NUDCD3: variants seen among roughly 807,000 people sequenced by gnomAD.
NUDCD3 encodes the protein NudC domain containing 3.
In NUDCD3, 13 loss-of-function variants were observed where a neutral mutation model predicts 39.7. That is an observed-to-expected ratio of 0.33 (90% CI 0.21 to 0.52). The LOEUF (loss-of-function observed/expected upper bound fraction) is 0.52. Ranked by LOEUF, NUDCD3 falls within the 20% of genes least tolerant of loss-of-function variation. The pLI, the probability that NUDCD3 is intolerant of heterozygous loss-of-function variation, is 0.96. For missense variants in NUDCD3, 453 were observed against 458.1 expected (o/e 0.99, Z 0.10); for synonymous variants, 175 against 172.4 (o/e 1.02, Z -0.12).
intron 4 of NUDCD3, among the ~76,000 whole-genome samples, chr7:44,398,797 TCAGA>T (rs1798670094): frequency 1.3e-5 from 2 of 152,150 alleles, no homozygotes; most frequent in South Asian, 2.1e-4. Context: ...GGAAGGCACC[TCAGA>T]GCGAGGGCAG....
chr7:44,394,347 G>A (rs1239894408), intron 4 of NUDCD3, among the ~76,000 whole-genome samples: 3 of 152,168 alleles, frequency 2.0e-5, no homozygotes, highest in African/African-American at 7.2e-5. Flanking sequence ...CTGCTAAGCT[G>A]GTTTGTCGTT....
Position 44,415,885 on chromosome 7 carries a change from C to T in NUDCD3, c.643-11302G>A, listed in dbSNP as rs1287002478. 2.6e-5 allele frequency among the ~76,000 whole-genome samples: 4 copies of T among 152,286 alleles called. No individual in the cohort carries two copies. The East Asian group carries it at 7.7e-4, about 29-fold the overall frequency. On this transcript the variant is annotated intron_variant, in intron 3 of 5. Transcript: ENST00000355451. ...GCCACAGACAAAAAACAAAAATAAA[C>T]ACTGCTGACAGGCAACCGTGACAGG...
At chr7:44,432,630 C>G (rs1799386990) in intron 2 of NUDCD3, among the ~76,000 whole-genome samples, 2 of 152,200 alleles carry the variant, frequency 1.3e-5, no homozygotes, top group South Asian at 4.1e-4. Context: ...GGTTTGTCAA[C>G]CCCCTCTCCA....
intron 2 of NUDCD3, among the ~76,000 whole-genome samples, chr7:44,449,231 C>T (rs577376818): frequency 9.2e-5 from 14 of 152,254 alleles, no homozygotes; most frequent in African/African-American, 3.1e-4. Context: ...AAAGACTAAT[C>T]GTTGGGGAGG....
chr7:44,391,968 G>A (rs1352998646), intron 5 of NUDCD3, among the ~76,000 whole-genome samples: 1 of 152,206 alleles, frequency 6.6e-6, no homozygotes, highest in Non-Finnish European at 1.5e-5. Flanking sequence ...GATATGTGCA[G>A]ATGAGGCACA....
chr7:44,440,854 G>GCT (rs1029649364), intron 2 of NUDCD3, among the ~76,000 whole-genome samples: 1 of 152,078 alleles, frequency 6.6e-6, no homozygotes, highest in African/African-American at 2.4e-5. Context: ...TTGCATGTGA[G>GCT]CTCTCTCTCT....
chr7:44,464,467 A>C (rs1220957719), intron 2 of NUDCD3, among the ~76,000 whole-genome samples: 1 of 151,826 alleles, frequency 6.6e-6, no homozygotes, highest in African/African-American at 2.4e-5. Flanking sequence ...CTAGATCAAC[A>C]ATTTTTTTTT....
chr7:44,487,028 G>T (rs749796223), intron 1 of NUDCD3, among the ~76,000 whole-genome samples: 15 of 152,190 alleles, frequency 9.9e-5, no homozygotes, highest in Non-Finnish European at 1.9e-4. Context: ...ACAGGATGTA[G>T]CTAGCTTTCC....
At chr7:44,487,474 C>A (rs1328385553) in intron 1 of NUDCD3, among the ~76,000 whole-genome samples, 30 of 147,066 alleles carry the variant, frequency 2.0e-4, no homozygotes, top group South Asian at 6.4e-4. Flanking sequence ...AAAAAAAAAA[C>A]CCTAAGAGGC....
intron 2 of NUDCD3, among the ~76,000 whole-genome samples, chr7:44,460,016 A>G (rs1052176536): frequency 6.6e-6 from 1 of 152,234 alleles, no homozygotes; most frequent in African/African-American, 2.4e-5. Context: ...AACAGTCTTG[A>G]GCCCTTTAGT....
intron 2 of NUDCD3, chr7:44,468,248 C>A (rs1218964730): frequency 6.3e-7 from 1 of 1,595,268 alleles, no homozygotes; most frequent in South Asian, 1.1e-5. Context: ...AGCTGCCCAA[C>A]TGGCCATCAG....
At position 44,490,439 on chromosome 7, in the gene NUDCD3, C is replaced by G. The variant is rs550970726; in HGVS notation, c.162G>C (p.Pro54=). ...GCACCAAGGCCTGCGCGGCCCCGGGCGGGAAGCCCATGCGGTCCGATGGGT... is the reference window on the plus strand; with the variant it reads ...GCACCAAGGCCTGCGCGGCCCCGGGGGGGAAGCCCATGCGGTCCGATGGGT... ...LRHPSDRMGF[P]PGAAQALVLQ... is the part of the protein sequence containing the mutation. Residue 54 remains proline (P), a synonymous_variant, in exon 1 of 6, where the codon CCG becomes CCC. Coordinates refer to ENST00000355451, the MANE Select transcript of NUDCD3 (RefSeq NM_015332.4). The G allele has an allele frequency of 6.3e-7, 1 of 1,590,260 alleles. No homozygotes were observed. Among genetic ancestry groups the G allele is most frequent in the East Asian group, 2.3e-5 (1 of 43,544 alleles).
intron 2 of NUDCD3, among the ~76,000 whole-genome samples, chr7:44,440,496 G>GAAAAAA (rs72065068): frequency 0.013 from 620 of 48,382 alleles, 13 homozygotes; most frequent in African/African-American, 0.04. Context: ...CAGAAAAATT[G>GAAAAAA]AAAAAAAAAA....
intron 3 of NUDCD3, among the ~76,000 whole-genome samples, chr7:44,406,262 C>T (rs994949924): frequency 6.6e-6 from 1 of 152,214 alleles, no homozygotes; most frequent in Non-Finnish European, 1.5e-5. Context: ...CTCATGAGAT[C>T]GCAGTTCCAC....
chr7:44,440,882 T>C (rs1799569765), intron 2 of NUDCD3, among the ~76,000 whole-genome samples: 1 of 152,220 alleles, frequency 6.6e-6, no homozygotes, highest in African/African-American at 2.4e-5. Flanking sequence ...ATGAGGCTAT[T>C]AGTAATACCT....
At chr7:44,389,407 G>A (rs1260489632) in intron 5 of NUDCD3, among the ~76,000 whole-genome samples, 3 of 152,186 alleles carry the variant, frequency 2.0e-5, no homozygotes, top group Non-Finnish European at 2.9e-5. Context: ...GGCCGGGCGC[G>A]GTGGCTCACG....
At chr7:44,467,846 C>A in intron 2 of NUDCD3, 1 of 1,277,168 alleles carries the variant, frequency 7.8e-7, no homozygotes, top group Non-Finnish European at 1.1e-6. Context: ...AGAAAAGGCT[C>A]TCTTCCTCGG....
intron 4 of NUDCD3, among the ~76,000 whole-genome samples, chr7:44,394,145 A>G (rs986133933): frequency 2.0e-5 from 3 of 152,212 alleles, no homozygotes; most frequent in African/African-American, 7.2e-5. Flanking sequence ...TGGGAAGAGC[A>G]AGACAAAAAC....
At chr7:44,483,875 G>A (rs973762790) in intron 2 of NUDCD3, among the ~76,000 whole-genome samples, 1 of 152,190 alleles carries the variant, frequency 6.6e-6, no homozygotes. Context: ...AGATGTGGTG[G>A]TGCATGCCTA....
Sources: gnomAD v4.1 joint callset for allele counts (sites outside exome capture counted in the v4.1 genomes callset) on GRCh38, gnomAD v4.1.1 for gene constraint, MANE v1.5 for transcripts, NCBI Gene and HGNC (gene_info 2026-07-23, HGNC 2026-07-21) for gene names.